CMIP: variants seen among roughly 807,000 people sequenced by gnomAD.
CMIP encodes C-Maf-inducing protein.
In CMIP, 13 loss-of-function variants were observed where a neutral mutation model predicts 97.3. That is an observed-to-expected ratio of 0.13 (90% CI 0.09 to 0.21). The LOEUF (loss-of-function observed/expected upper bound fraction) is 0.21, where lower values mean the gene tolerates loss of function less well. Among genes scored for constraint, CMIP ranks in the 10% least tolerant of loss-of-function variants. CMIP has a pLI of 1.00. For synonymous variants in CMIP, 538 were observed against 436.3 expected, an observed-to-expected ratio of 1.23 and a Z score of -2.91; for missense variants, 847 against 1,024.9, an observed-to-expected ratio of 0.83 and a Z score of 2.37.
chr16:81,680,575 G>A (rs1904775576), intron 10 of CMIP, among the ~76,000 whole-genome samples: 1 of 152,218 alleles, frequency 6.6e-6, no homozygotes, highest in South Asian at 2.1e-4. Context: ...GGTCCCAGCA[G>A]CAGAGGTCAG....
chr16:81,625,366 A>G (rs915062072), intron 3 of CMIP, among the ~76,000 whole-genome samples: 1 of 152,256 alleles, frequency 6.6e-6, no homozygotes, highest in African/African-American at 2.4e-5. Context: ...GTGTGGAAGC[A>G]TTAAATAGTT....
chr16:81,622,467 G>T (rs1010272232), intron 3 of CMIP, among the ~76,000 whole-genome samples: 5 of 152,134 alleles, frequency 3.3e-5, no homozygotes, highest in African/African-American at 1.2e-4. Flanking sequence ...CCGTCTGGGG[G>T]TCAGATGCCA....
At position 81,667,852 on chromosome 16, in the gene CMIP, G is replaced by A. The variant is rs113226279; in HGVS notation, c.826-2290G>A. Among the ~76,000 whole-genome samples, 211 of 149,122 alleles carry A rather than the reference G, an allele frequency of 1.4e-3. 2 individuals carry two copies. The highest frequency in any genetic ancestry group is 4.9e-3 in the African/African-American group (200 of 40,628). The stretch of plus-strand genomic sequence containing the variant: ...TGTGTGTGTGTGTGTTTGTGCTCAT[G>A]CCAGTGCGTGCATTTTTCTGAACTT... On this transcript the variant is annotated intron_variant, in intron 7 of 20. Coordinates refer to ENST00000537098, the MANE Select transcript of CMIP (RefSeq NM_198390.3).
chr16:81,584,528 T>C (rs2091348895), intron 1 of CMIP, among the ~76,000 whole-genome samples: 1 of 152,226 alleles, frequency 6.6e-6, no homozygotes, highest in African/African-American at 2.4e-5. Flanking sequence ...ACCCTGTTTT[T>C]ACCTCGAGTG....
chr16:81,706,302 G>A (rs1221380059), intron 19 of CMIP, among the ~76,000 whole-genome samples: 2 of 152,218 alleles, frequency 1.3e-5, no homozygotes, highest in African/African-American at 2.4e-5. Context: ...TGGGTGTGAA[G>A]ACAGATTTGT....
chr16:81,581,858 G>C (rs1342134013), intron 1 of CMIP, among the ~76,000 whole-genome samples: 2 of 152,152 alleles, frequency 1.3e-5, no homozygotes, highest in Non-Finnish European at 2.9e-5. Context: ...CTCTGCAGAG[G>C]GGCCTTGTAT....
chr16:81,615,100 T>G (rs1000514335), intron 2 of CMIP, among the ~76,000 whole-genome samples: 2 of 149,484 alleles, frequency 1.3e-5, no homozygotes, highest in African/African-American at 4.9e-5. Flanking sequence ...GTGTATGAGG[T>G]GTGTATGGTA....
At chr16:81,449,911 C>G (rs1906104262) in intron 1 of CMIP, among the ~76,000 whole-genome samples, 1 of 152,236 alleles carries the variant, frequency 6.6e-6, no homozygotes. Context: ...ATCTGAGATG[C>G]CTGTTCCGGC....
chr16:81,572,668 G>A (rs896636743), intron 1 of CMIP, among the ~76,000 whole-genome samples: 10 of 152,188 alleles, frequency 6.6e-5, no homozygotes, highest in East Asian at 1.9e-4. Flanking sequence ...CTCAAATCCC[G>A]TTGAGTCTTA....
intron 2 of CMIP, among the ~76,000 whole-genome samples, chr16:81,609,237 CATCTT>C (rs1365351875): frequency 6.7e-6 from 1 of 148,298 alleles, no homozygotes; most frequent in Admixed American, 6.7e-5. Flanking sequence ...TCTCTCCTCT[CATCTT>C]TATGATAGAG....
chr16:81,702,593 G>A, intron 16 of CMIP, 29 bp from the exon 17 acceptor site: 1 of 1,609,034 alleles, frequency 6.2e-7, no homozygotes, highest in Non-Finnish European at 8.5e-7. Flanking sequence ...GGAAAAGAAT[G>A]GTTGTAACCA....
At chr16:81,492,998 G>T (rs902311419) in intron 1 of CMIP, among the ~76,000 whole-genome samples, 1 of 152,250 alleles carries the variant, frequency 6.6e-6, no homozygotes, top group South Asian at 2.1e-4. Flanking sequence ...TGCTCCCTGC[G>T]CCCCTGGAAG....
At chr16:81,566,492 T>G (rs1031703126) in intron 1 of CMIP, among the ~76,000 whole-genome samples, 11 of 152,240 alleles carry the variant, frequency 7.2e-5, no homozygotes, top group African/African-American at 2.4e-4. Context: ...AACTGGATTT[T>G]GGTACCACAG....
intron 1 of CMIP, among the ~76,000 whole-genome samples, chr16:81,539,898 G>T (rs1270507784): frequency 1.3e-5 from 2 of 152,168 alleles, no homozygotes; most frequent in Non-Finnish European, 2.9e-5. Context: ...CTGTCCATTG[G>T]TTGCTTTATG....
intron 20 of CMIP, among the ~76,000 whole-genome samples, chr16:81,708,369 C>T (rs924631364): frequency 2.0e-5 from 3 of 152,240 alleles, no homozygotes; most frequent in African/African-American, 7.2e-5. Flanking sequence ...TGGGGGATTT[C>T]TGGGCACACT....
intron 1 of CMIP, among the ~76,000 whole-genome samples, chr16:81,459,962 A>T (rs763359619): frequency 2.0e-5 from 3 of 152,136 alleles, no homozygotes; most frequent in Non-Finnish European, 4.4e-5. Flanking sequence ...CCATGGACCA[A>T]GGGGACTTTG....
chr16:81,638,149 G>A (rs531470410), intron 3 of CMIP, among the ~76,000 whole-genome samples: 8 of 152,162 alleles, frequency 5.3e-5, no homozygotes, highest in Non-Finnish European at 8.8e-5. Flanking sequence ...CATGGCCTGC[G>A]CCTCCTCTGT....
At chr16:81,562,168 G>A (rs1048571958) in intron 1 of CMIP, among the ~76,000 whole-genome samples, 1 of 152,192 alleles carries the variant, frequency 6.6e-6, no homozygotes, top group East Asian at 1.9e-4. Context: ...GCAGCCAACC[G>A]TTGTAAGTTA....
At chr16:81,494,168 G>A (rs557022514) in intron 1 of CMIP, among the ~76,000 whole-genome samples, 9 of 152,220 alleles carry the variant, frequency 5.9e-5, no homozygotes, top group South Asian at 2.1e-4. Flanking sequence ...CGGGGGAATC[G>A]GGGGCAGTTA....
Sources: gnomAD v4.1 joint callset for allele counts (sites outside exome capture counted in the v4.1 genomes callset) on GRCh38, gnomAD v4.1.1 for gene constraint, MANE v1.5 for transcripts, NCBI Gene and HGNC (gene_info 2026-07-23, HGNC 2026-07-21) for gene names.